Variants in CACNG3 observed in about 807,000 individuals in gnomAD.
CACNG3 encodes voltage-dependent calcium channel gamma-3 subunit.
CACNG3 carries 3 observed loss-of-function variants against 28.5 expected under a neutral mutation model. The ratio of observed to expected loss-of-function variants is 0.11; its 90% CI spans 0.05 to 0.27. The LOEUF is 0.27. Among genes scored for constraint, CACNG3 ranks in the 10% least tolerant of loss-of-function variants. The pLI, the probability that CACNG3 is intolerant of heterozygous loss-of-function variation, is 1.00. For missense variants in CACNG3, 236 were observed against 414.4 expected, an observed-to-expected ratio of 0.57 and a Z score of 3.74; for synonymous variants, 174 against 162.2, an observed-to-expected ratio of 1.07 and a Z score of -0.55.
chr16:24,328,896 AC>A (rs1285447252), intron 1 of CACNG3, among the ~76,000 whole-genome samples: 2 of 151,910 alleles, frequency 1.3e-5, no homozygotes, highest in East Asian at 3.9e-4. Context: ...CTCCACTCTC[AC>A]CCCGACTTCA....
chr16:24,336,733 C>T (rs746925718), intron 1 of CACNG3, among the ~76,000 whole-genome samples: 3 of 139,686 alleles, frequency 2.1e-5, no homozygotes, highest in Non-Finnish European at 3.3e-5. Context: ...GCCCCACCCT[C>T]GTGACCTAAT....
intron 1 of CACNG3, among the ~76,000 whole-genome samples, chr16:24,300,313 G>A (rs895273083): frequency 2.0e-5 from 3 of 152,178 alleles, no homozygotes; most frequent in East Asian, 3.9e-4. Flanking sequence ...CAGGGGCCCC[G>A]ATAAGGTGTC....
intron 3 of CACNG3, among the ~76,000 whole-genome samples, 195 bp downstream of exon 3, chr16:24,355,168 GA>G (rs3833081): frequency 0.14 from 20,827 of 152,074 alleles, 1,519 homozygotes; most frequent in Non-Finnish European, 0.14. Context: ...CGGCATGAAG[GA>G]AAAACAGGGA....
chr16:24,295,691 TA>T (rs994044784), intron 1 of CACNG3, among the ~76,000 whole-genome samples: 3 of 151,342 alleles, frequency 2.0e-5, no homozygotes, highest in Admixed American at 1.3e-4. Context: ...CACTAAAAAT[TA>T]AAAAAAATTA....
intron 1 of CACNG3, among the ~76,000 whole-genome samples, chr16:24,269,863 G>T (rs1416094134): frequency 2.8e-5 from 4 of 144,230 alleles, no homozygotes; most frequent in South Asian, 2.2e-4. Flanking sequence ...TTCATTTGTT[G>T]TTTTTTTTTT....
Position 24,274,483 on chromosome 16 carries a change from A to C in CACNG3, c.211+17518A>C, listed in dbSNP as rs139195499. Among the ~76,000 whole-genome samples the C allele has an allele frequency of 2.0e-5, 3 of 152,288 alleles. No homozygotes were observed. In the East Asian group the frequency reaches 5.8e-4, roughly 29 times the overall value. The stretch of plus-strand genomic sequence containing the variant: ...GATTGGACAGAATCTACTCATCTGC[A>C]TTGCTCCACCAACAGCAGGGAATCA... On this transcript the variant is annotated intron_variant, in intron 1 of 3. Coordinates refer to ENST00000005284, the MANE Select transcript of CACNG3 (RefSeq NM_006539.4).
At chr16:24,305,093 G>A (rs910717425) in intron 1 of CACNG3, among the ~76,000 whole-genome samples, 3 of 152,102 alleles carry the variant, frequency 2.0e-5, no homozygotes, top group Non-Finnish European at 2.9e-5. Flanking sequence ...GAACCCTAAT[G>A]TAAGTGATGG....
intron 1 of CACNG3, among the ~76,000 whole-genome samples, chr16:24,296,587 T>TC (rs1259136420): frequency 2.6e-5 from 4 of 152,104 alleles, no homozygotes; most frequent in African/African-American, 9.7e-5. Flanking sequence ...GACTAGAGAC[T>TC]CCCCCGTAAT....
intron 1 of CACNG3, among the ~76,000 whole-genome samples, chr16:24,323,324 A>G (rs537387092): frequency 4.2e-4 from 64 of 151,376 alleles, no homozygotes; most frequent in African/African-American, 1.5e-3. Flanking sequence ...CTCATTCTTT[A>G]TGATTGCTGC....
intron 1 of CACNG3, among the ~76,000 whole-genome samples, chr16:24,344,121 T>C (rs1328919404): frequency 2.6e-5 from 4 of 151,996 alleles, no homozygotes; most frequent in African/African-American, 9.7e-5. Context: ...GTCATTTAGA[T>C]AGCTAAAGAG....
intron 1 of CACNG3, among the ~76,000 whole-genome samples, chr16:24,266,762 A>T (rs1053098718): frequency 1.3e-5 from 2 of 152,102 alleles, no homozygotes; most frequent in Non-Finnish European, 2.9e-5. Flanking sequence ...CAAGGCAGGA[A>T]CCCCACCTGT....
intron 3 of CACNG3, among the ~76,000 whole-genome samples, chr16:24,360,219 C>A (rs866069559): frequency 1.3e-5 from 2 of 149,944 alleles, no homozygotes; most frequent in Middle Eastern, 3.4e-3. Flanking sequence ...GGCACCATGA[C>A]CTGGATGAGG....
chr16:24,317,626 GACAGACAGAAAGAAA>G (rs1899384221), intron 1 of CACNG3, among the ~76,000 whole-genome samples: 4 of 46,280 alleles, frequency 8.6e-5, no homozygotes, highest in East Asian at 5.5e-4. Context: ...AAGAAAGAAA[GACAGACAGAAAGAAA>G]GAAAAGAAAA....
intron 1 of CACNG3, among the ~76,000 whole-genome samples, chr16:24,312,827 C>T (rs1882660735): frequency 7.1e-6 from 1 of 141,672 alleles, no homozygotes. Context: ...TGAAAAAAGG[C>T]AGGGCAGAGC....
intron 1 of CACNG3, among the ~76,000 whole-genome samples, chr16:24,303,494 G>A (rs747193823): frequency 2.0e-5 from 3 of 151,976 alleles, no homozygotes; most frequent in Non-Finnish European, 4.4e-5. Flanking sequence ...CTGTCCTAAG[G>A]TTCTATTTAA....
chr16:24,268,164 T>C (rs1898640549), intron 1 of CACNG3, among the ~76,000 whole-genome samples: 2 of 152,228 alleles, frequency 1.3e-5, no homozygotes, highest in African/African-American at 2.4e-5. Context: ...ATTTAAACTG[T>C]ACCTTCTTCT....
intron 1 of CACNG3, among the ~76,000 whole-genome samples, chr16:24,332,800 C>G (rs543333217): frequency 3.9e-4 from 60 of 152,264 alleles, no homozygotes; most frequent in African/African-American, 1.4e-3. Context: ...CTACTCCACT[C>G]CACACCCCTG....
At chr16:24,357,730 C>T (rs991536474) in intron 3 of CACNG3, among the ~76,000 whole-genome samples, 1 of 152,348 alleles carries the variant, frequency 6.6e-6, no homozygotes, top group African/African-American at 2.4e-5. Context: ...GAGGCACGCT[C>T]CTGTCACTGG....
At chr16:24,280,821 C>CAAAAAAAAA (rs71154295) in intron 1 of CACNG3, among the ~76,000 whole-genome samples, 1,390 of 55,624 alleles carry the variant, frequency 0.025, 210 homozygotes, top group Non-Finnish European at 0.032. Flanking sequence ...GAGTTTGTCT[C>CAAAAAAAAA]AAAAAAAAAA....
Sources: gnomAD v4.1 joint callset for allele counts (sites outside exome capture counted in the v4.1 genomes callset) on GRCh38, gnomAD v4.1.1 for gene constraint, MANE v1.5 for transcripts, NCBI Gene and HGNC (gene_info 2026-07-23, HGNC 2026-07-21) for gene names.